Variants in SP1 observed in about 807,000 individuals in gnomAD.
SP1 encodes transcription factor Sp1.
A neutral mutation model predicts 66.3 loss-of-function variants in SP1; 6 were observed. The ratio of observed to expected loss-of-function variants is 0.09; its 90% confidence interval spans 0.05 to 0.18. The LOEUF is 0.18. Among genes scored for constraint, SP1 ranks in the 10% least tolerant of loss-of-function variants. SP1 has a pLI of 1.00. For missense variants in SP1, 848 were observed against 964.5 expected, an observed-to-expected ratio of 0.88 and a Z score of 1.60; for synonymous variants, 417 against 360.8, an observed-to-expected ratio of 1.16 and a Z score of -1.77.
At chr12:53,382,050 G>T (rs1938112599) in intron 2 of SP1, 60 bp from the exon 3 acceptor site, 2 of 1,504,962 alleles carry the variant, frequency 1.3e-6, no homozygotes, top group South Asian at 2.4e-5. Flanking sequence ...GTTGTATACT[G>T]CCCCCTAGGC....
intron 3 of SP1, among the ~76,000 whole-genome samples, chr12:53,391,588 G>T (rs1938353412): frequency 6.6e-6 from 1 of 152,008 alleles, no homozygotes; most frequent in Non-Finnish European, 1.5e-5. Flanking sequence ...CTCCCAAAGT[G>T]CTGGGATTAC....
chr12:53,387,139 G>T (rs560717508), intron 3 of SP1, among the ~76,000 whole-genome samples: 65 of 151,800 alleles, frequency 4.3e-4, no homozygotes, highest in African/African-American at 1.5e-3. Flanking sequence ...TTTTAGTAGC[G>T]ATTGGATTTC....
rs558290647 is a variant in SP1 at position 53,383,884 on chromosome 12, A to G, written c.1675+262A>G. On this transcript the variant is annotated intron_variant, in intron 3 of 5. Coordinates refer to ENST00000327443, the MANE Select transcript of SP1 (RefSeq NM_138473.3). ...ATACTCAGTGTTTTTGGTGCTGCAG[A>G]ATAATGGTTGACAAGCTTTCTGTAA... 2.6e-5 allele frequency among the ~76,000 whole-genome samples: 4 copies of G among 152,316 alleles called. No homozygotes were observed. In the South Asian group the frequency reaches 8.3e-4, roughly 32 times the overall value.
chr12:53,386,842 A>G (rs1938239991), intron 3 of SP1, among the ~76,000 whole-genome samples: 1 of 152,048 alleles, frequency 6.6e-6, no homozygotes, highest in Admixed American at 6.6e-5. Flanking sequence ...ATAAAGCACA[A>G]TAAAAGGATA....
chr12:53,389,922 TA>T (rs1938312279), intron 3 of SP1, among the ~76,000 whole-genome samples: 1 of 152,292 alleles, frequency 6.6e-6, no homozygotes, highest in East Asian at 1.9e-4. Flanking sequence ...TTTCAGGTAC[TA>T]AAAATAACAA....
chr12:53,381,572 C>T, intron 1 of SP1, 87 bp from the exon 2 acceptor site: 1 of 1,259,760 alleles, frequency 7.9e-7, no homozygotes, highest in Non-Finnish European at 1.1e-6. Context: ...TTAGTCATTG[C>T]TATTTCATCA....
intron 3 of SP1, among the ~76,000 whole-genome samples, chr12:53,397,777 C>G (rs1378817141): frequency 6.6e-6 from 1 of 151,960 alleles, no homozygotes; most frequent in Non-Finnish European, 1.5e-5. Flanking sequence ...TGGTCTTGAA[C>G]CCCTGACCTC....
In SP1 at chr12:53,410,695, CA is replaced by C. The variant is rs568348182; in HGVS notation, c.2045-231del. 1.6e-4 allele frequency among the ~76,000 whole-genome samples: 24 copies of C among 152,096 alleles called. No individual in the cohort carries two copies. In the South Asian group the frequency reaches 5.0e-3, roughly 32 times the overall value. On this transcript the variant is annotated intron_variant, in intron 5 of 5. Transcript: ENST00000327443. ...TAATTTTTTGTATTTTTAGTAGAGA[CA>C]GGGTTTCACCGTGGTCTTGATCTCC...
intron 3 of SP1, among the ~76,000 whole-genome samples, chr12:53,399,530 C>T (rs2608301): frequency 6.6e-6 from 1 of 151,946 alleles, no homozygotes; most frequent in South Asian, 2.1e-4. Context: ...ACCGGGTTTC[C>T]CCATGTTAGC....
At chr12:53,391,757 C>G (rs1040787747) in intron 3 of SP1, among the ~76,000 whole-genome samples, 2 of 151,344 alleles carry the variant, frequency 1.3e-5, no homozygotes, top group Admixed American at 6.7e-5. Context: ...CCCGACCCTC[C>G]CCTATCTAGT....
chr12:53,402,166 T>G (rs1395980660), intron 3 of SP1, among the ~76,000 whole-genome samples: 1 of 151,790 alleles, frequency 6.6e-6, no homozygotes, highest in Admixed American at 6.6e-5. Context: ...TCTACCAATA[T>G]CATGAAAATC....
At chr12:53,393,540 C>G (rs146312754) in intron 3 of SP1, among the ~76,000 whole-genome samples, 1 of 151,492 alleles carries the variant, frequency 6.6e-6, no homozygotes, top group Non-Finnish European at 1.5e-5. Context: ...ACCTCAGCCT[C>G]CCAAAGTGTT....
At position 53,389,142 on chromosome 12, in the gene SP1, T is replaced by C. The variant is rs972161677; in HGVS notation, c.1675+5520T>C. 1.1e-4 allele frequency among the ~76,000 whole-genome samples: 16 copies of C among 152,152 alleles called. No homozygotes were observed. The East Asian group carries it at 3.1e-3, about 29-fold the overall frequency. On this transcript the variant is annotated intron_variant, in intron 3 of 5. Transcript: ENST00000327443. Reference sequence around the variant, plus strand: ...TATCACTGTACAAAATGAGATATATTACATGATTGTGGAAGATTGCAGCTT... The same window carrying C: ...TATCACTGTACAAAATGAGATATATCACATGATTGTGGAAGATTGCAGCTT...
At chr12:53,410,419 G>A (rs1938854645) in intron 5 of SP1, among the ~76,000 whole-genome samples, 1 of 152,108 alleles carries the variant, frequency 6.6e-6, no homozygotes, top group South Asian at 2.1e-4. Flanking sequence ...AAACTGCTAA[G>A]TTCTACCTTC....
At chr12:53,392,414 T>C (rs1379252657) in intron 3 of SP1, among the ~76,000 whole-genome samples, 2 of 138,352 alleles carry the variant, frequency 1.4e-5, no homozygotes, top group East Asian at 4.3e-4. Flanking sequence ...TGGAGTGCAG[T>C]GGCGGGATCT....
intron 3 of SP1, among the ~76,000 whole-genome samples, chr12:53,399,541 C>T (rs1358223277): frequency 6.6e-6 from 1 of 152,198 alleles, no homozygotes; most frequent in African/African-American, 2.4e-5. Context: ...CCATGTTAGC[C>T]AGAATGGTCT....
intron 3 of SP1, among the ~76,000 whole-genome samples, chr12:53,387,929 T>G (rs916695985): frequency 1.3e-5 from 2 of 151,828 alleles, no homozygotes; most frequent in East Asian, 1.9e-4. Flanking sequence ...GAGCGTGCAG[T>G]GAGCTGAGAT....
At chr12:53,405,625 A>G (rs557997828) in intron 3 of SP1, among the ~76,000 whole-genome samples, 78 of 151,740 alleles carry the variant, frequency 5.1e-4, no homozygotes, top group African/African-American at 1.8e-3. Context: ...AGCCCAGATA[A>G]TGCCACTGTA....
At chr12:53,409,882 C>T (rs1464400448) in intron 5 of SP1, among the ~76,000 whole-genome samples, 1 of 152,080 alleles carries the variant, frequency 6.6e-6, no homozygotes, top group East Asian at 1.9e-4. Flanking sequence ...TGGTGGCAGG[C>T]GCCTGTAGTT....
Sources: gnomAD v4.1 joint callset for allele counts (sites outside exome capture counted in the v4.1 genomes callset) on GRCh38, gnomAD v4.1.1 for gene constraint, MANE v1.5 for transcripts, NCBI Gene and HGNC (gene_info 2026-07-23, HGNC 2026-07-21) for gene names.